Variants in SRSF12 observed in about 807,000 individuals in gnomAD.
The protein encoded by SRSF12 is serine/arginine-rich splicing factor 12.
Under a neutral mutation model 34.1 loss-of-function variants are expected in SRSF12, and 21 were observed. The ratio of observed to expected loss-of-function variants is 0.62; its 90% CI spans 0.44 to 0.89. The LOEUF (loss-of-function observed/expected upper bound fraction) is 0.89, where lower values mean the gene tolerates loss of function less well. Among genes scored for constraint, SRSF12 ranks in the 40% least tolerant of loss-of-function variants. SRSF12 has a pLI of 0.00. For missense variants in SRSF12, 278 were observed against 327.8 expected, an observed-to-expected ratio of 0.85 and a Z score of 1.17; for synonymous variants, 111 against 110.8, an observed-to-expected ratio of 1.00 and a Z score of -0.01.
At chr6:89,109,264 A>G (rs891951648) in intron 1 of SRSF12, among the ~76,000 whole-genome samples, 2 of 152,180 alleles carry the variant, frequency 1.3e-5, no homozygotes, top group Non-Finnish European at 2.9e-5. Context: ...TTTTTTCAGG[A>G]CTTCACAGGC....
At chr6:89,107,731 C>A (rs987358076) in intron 1 of SRSF12, among the ~76,000 whole-genome samples, 2 of 151,962 alleles carry the variant, frequency 1.3e-5, no homozygotes, top group African/African-American at 2.4e-5. Context: ...CAGAGTGAGA[C>A]CCTGTCTCAA....
intron 4 of SRSF12, among the ~76,000 whole-genome samples, chr6:89,102,805 G>C (rs1441534718): frequency 6.6e-6 from 1 of 152,150 alleles, no homozygotes; most frequent in Non-Finnish European, 1.5e-5. Flanking sequence ...AGGTTGGAGT[G>C]CAGTGGTGCA....
At chr6:89,110,874 G>C (rs1182880733) in intron 1 of SRSF12, among the ~76,000 whole-genome samples, 1 of 152,106 alleles carries the variant, frequency 6.6e-6, no homozygotes, top group Non-Finnish European at 1.5e-5. Context: ...CCAGCAGTTT[G>C]GGAGGCCAAG....
Position 89,098,367 on chromosome 6 carries a change from T to C in SRSF12, c.*211A>G. 2.1e-6 allele frequency: 1 copy of C among 474,098 alleles called. No homozygotes were observed. Among genetic ancestry groups the C allele is most frequent in the Non-Finnish European group, 3.5e-6 (1 of 287,386 alleles). The allele number at this position is 474,098 out of a possible 1,614,324, so 29.4% of individuals were successfully genotyped here. A position where few individuals can be genotyped will look rare whatever the true frequency, so the allele number is the denominator to read the frequency against. Reference sequence around the variant, plus strand: ...AAATAAAAAATGGTCCATAAAATGGTGACATTAGACAAATCATAATTTGTA... The same window carrying C: ...AAATAAAAAATGGTCCATAAAATGGCGACATTAGACAAATCATAATTTGTA... On this transcript the variant is annotated 3_prime_UTR_variant, in exon 5 of 5. Coordinates refer to ENST00000452027, the MANE Select transcript of SRSF12 (RefSeq NM_080743.5).
intron 1 of SRSF12, among the ~76,000 whole-genome samples, chr6:89,115,350 C>A (rs913388939): frequency 2.7e-5 from 4 of 150,850 alleles, no homozygotes; most frequent in Non-Finnish European, 4.4e-5. Context: ...GGCCTGATCT[C>A]GGCTCACTGC....
chr6:89,100,455 T>C (rs1442152464), intron 4 of SRSF12, among the ~76,000 whole-genome samples: 1 of 151,800 alleles, frequency 6.6e-6, no homozygotes, highest in South Asian at 2.1e-4. Context: ...AGAAGAAAAC[T>C]GTCTTTGGAG....
chr6:89,112,162 C>G (rs538469299), intron 1 of SRSF12, among the ~76,000 whole-genome samples: 4 of 152,070 alleles, frequency 2.6e-5, no homozygotes, highest in Non-Finnish European at 5.9e-5. Context: ...GTGAACCGCC[C>G]GCCTCGGCCT....
intron 4 of SRSF12, among the ~76,000 whole-genome samples, chr6:89,103,548 C>T (rs1363593587): frequency 2.6e-5 from 4 of 152,026 alleles, no homozygotes; most frequent in South Asian, 2.1e-4. Flanking sequence ...AGACTGGTCT[C>T]GAACTCCTGA....
rs935645950 is a variant in SRSF12 at position 89,112,742 on chromosome 6, CTTTTTTCA to C, written c.65+5073_65+5080del. 3.3e-5 allele frequency among the ~76,000 whole-genome samples: 5 copies of C among 152,140 alleles called. No homozygotes were observed. The South Asian group carries it at 8.3e-4, about 25-fold the overall frequency. On this transcript the variant is annotated intron_variant, in intron 1 of 4. Coordinates refer to ENST00000452027, the MANE Select transcript of SRSF12 (RefSeq NM_080743.5). ...CTCATTTTCCATATATAGCTTTTTC[CTTTTTTCA>C]TTTTTTAATATAGTTATGCACCACA...
chr6:89,097,098 G>C lies in SRSF12; in HGVS notation c.*1480C>G, dbSNP rs1348329904. On this transcript the variant is annotated 3_prime_UTR_variant, in exon 5 of 5. Transcript: ENST00000452027. ...TTGTTTAAGGTTGTTTCTTACATAT[G>C]GGATCTAATATGCAAAGAAAACTGG... 1 of 151,970 alleles carries C rather than the reference G, an allele frequency of 6.6e-6. No individual in the cohort carries two copies. The highest frequency in any genetic ancestry group is 1.5e-5 in the Non-Finnish European group (1 of 67,992). 9.4% of individuals were successfully genotyped at this position (151,970 alleles called of 1,614,324 possible).
rs1376485183 is a variant in SRSF12, at chr6:89,098,946, A to T, written c.418T>A (p.Ser140Thr). 6.2e-7 allele frequency: 1 copy of T among 1,610,438 alleles called. No homozygotes were observed. The highest frequency in any genetic ancestry group is 2.2e-5 in the East Asian group (1 of 44,852). The change falls in exon 5 of 5, where the codon TCT becomes ACT. Residue 140 changes from serine (S) to threonine (T), a missense_variant and splice_region_variant. By Grantham distance (58) the Ser-to-Thr change is moderately conservative (BLOSUM62 1). Transcript: ENST00000452027. ...NRRRSDSLKE[S>T]RHRRFSYSQS... ...CTATAAGAAAATCGCCTGTGTCGAG[A>T]CCTGCAAACATCCATAATGTTAGAG...
In SRSF12 at chr6:89,117,929, G is replaced by A. The variant is rs1229617091; in HGVS notation, c.-42C>T. 6.5e-7 allele frequency: 1 copy of A among 1,538,158 alleles called. No homozygotes were observed. The highest frequency in any genetic ancestry group is 8.7e-7 in the Non-Finnish European group (1 of 1,145,128). Reference sequence around the variant, plus strand: ...CCCTCCGGGTCTGCCCGCGGCCGCTGGACTCGCTCCGTCTCCCGCTACCGC... The same window carrying A: ...CCCTCCGGGTCTGCCCGCGGCCGCTAGACTCGCTCCGTCTCCCGCTACCGC... On this transcript the variant is annotated 5_prime_UTR_variant, in exon 1 of 5. Transcript: ENST00000452027.
At chr6:89,099,701 A>T (rs1768450712) in intron 4 of SRSF12, among the ~76,000 whole-genome samples, 1 of 151,840 alleles carries the variant, frequency 6.6e-6, no homozygotes, top group African/African-American at 2.4e-5. Context: ...ACGCCCAGCT[A>T]ACTTTGTATT....
intron 1 of SRSF12, among the ~76,000 whole-genome samples, 160 bp downstream of exon 1, chr6:89,117,663 T>C (rs1769373030): frequency 6.6e-6 from 1 of 150,758 alleles, no homozygotes; most frequent in Non-Finnish European, 1.5e-5. Context: ...GGCCGCGGAG[T>C]AGTCCGAGGG....
intron 4 of SRSF12, among the ~76,000 whole-genome samples, chr6:89,103,991 C>CTTTTTTTTTTTTT (rs55760020): frequency 2.4e-5 from 2 of 81,964 alleles, no homozygotes; most frequent in African/African-American, 9.3e-5. Flanking sequence ...TATTATATTT[C>CTTTTTTTTTTTTT]TTTTTTTTTT....
Position 89,107,233 on chromosome 6 carries a change from C to G in SRSF12, c.91G>C (p.Gly31Arg). Residue 31 changes from glycine to arginine, a missense_variant, in exon 2 of 5, where the codon GGT (glycine) becomes CGT (arginine). Transcript: ENST00000452027. ...TRPEDLRREF[G>R]RYGPIVDVYI... ...ACGTCTACTATAGGGCCATATCGAC[C>G]AAACTCACGGCGCAAGTCCTCAGGC... 6.2e-7 allele frequency: 1 copy of G among 1,613,978 alleles called. No homozygotes were observed. Among genetic ancestry groups the G allele is most frequent in the Non-Finnish European group, 8.5e-7 (1 of 1,180,000 alleles).
At chr6:89,110,759 A>G (rs1345534545) in intron 1 of SRSF12, among the ~76,000 whole-genome samples, 1 of 152,034 alleles carries the variant, frequency 6.6e-6, no homozygotes, top group Non-Finnish European at 1.5e-5. Context: ...TGCCTACCTT[A>G]GCTTCACTAC....
At chr6:89,117,761 C>T (rs1582285185) in intron 1 of SRSF12, 62 bp downstream of exon 1, 7 of 1,481,498 alleles carry the variant, frequency 4.7e-6, no homozygotes, top group African/African-American at 4.4e-5. Flanking sequence ...GGCCGTGCTC[C>T]GCGGCGCGGC....
intron 1 of SRSF12, among the ~76,000 whole-genome samples, chr6:89,116,571 T>TG (rs1769302954): frequency 1.3e-5 from 2 of 152,096 alleles, no homozygotes; most frequent in Admixed American, 1.3e-4. Context: ...GGTCAGGAGT[T>TG]GGAGATCAGC....
Sources: allele counts gnomAD v4.1 joint callset (sites outside exome capture counted in the v4.1 genomes callset), GRCh38; gene constraint gnomAD v4.1.1; transcripts MANE v1.5; gene names NCBI Gene and HGNC (gene_info 2026-07-23, HGNC 2026-07-21).